ZNF823: variants seen among roughly 807,000 people sequenced by gnomAD.
The protein encoded by ZNF823 is ZFP 36 for a zinc finger protein.
Under a neutral mutation model 11.4 loss-of-function variants are expected in ZNF823, and 5 were observed. That is an observed-to-expected ratio of 0.44 (90% CI 0.23 to 0.92). ZNF823 has a LOEUF of 0.92. Among genes scored for constraint, ZNF823 ranks in the 40% least tolerant of loss-of-function variants. ZNF823 has a pLI of 0.24. For synonymous variants in ZNF823, 234 were observed against 250.5 expected, an observed-to-expected ratio of 0.93 and a Z score of 0.62; for missense variants, 582 against 738.5, an observed-to-expected ratio of 0.79 and a Z score of 2.46.
In ZNF823 at chr19:11,722,794, G is replaced by A. The variant is rs774018374; in HGVS notation, c.740C>T (p.Ala247Val). The change falls in exon 4 of 4, where the codon GCG becomes GTG. Residue 247 changes from alanine (A) to valine (V), a missense_variant. Around this residue, in one of 3 missense-constraint regions of ZNF823, gnomAD observed 429 missense variants for 553.7 expected, o/e 0.77. Transcript: ENST00000341191. This position sits in a 1 kb window ranked among gnomAD's most constrained non-coding sequence, Gnocchi z 5.2. Reference sequence around the variant, plus strand: ...TTTGGAACACTGCTTACATTCATACGCTTTCTCTCCCGTGTGGATTCTTTC... The same window carrying A: ...TTTGGAACACTGCTTACATTCATACACTTTCTCTCCCGTGTGGATTCTTTC... ...RHERIHTGEK[A>V]YECKQCSKAF... 5.6e-6 allele frequency: 9 copies of A among 1,613,956 alleles called. No individual in the cohort carries two copies. The highest frequency in any genetic ancestry group is 2.2e-5 in the South Asian group (2 of 91,086).
chr19:11,721,931 C>T lies in ZNF823; in HGVS notation c.1603G>A (p.Ala535Thr). The T allele has an allele frequency of 6.2e-7, 1 of 1,614,108 alleles. No individual in the cohort carries two copies. Among genetic ancestry groups the T allele is most frequent in the South Asian group, 1.1e-5 (1 of 91,074 alleles). The change falls in exon 4 of 4, where the codon GCA (alanine) becomes ACA (threonine). Residue 535 changes from alanine (A) to threonine (T), a missense_variant. Around this residue, in one of 3 missense-constraint regions of ZNF823, gnomAD observed 144 missense variants for 154.3 expected, o/e 0.93. Coordinates refer to ENST00000341191, the MANE Select transcript of ZNF823 (RefSeq NM_001080493.4). ...KPYECKECGK[A>T]FSWLTCLLRH... is the part of the protein sequence containing the mutation. ...AGAAGGCAAGTGAGCCAAGAGAATG[C>T]TTTTCCACATTCCTTACATTCATAT...
intron 1 of ZNF823, among the ~76,000 whole-genome samples, chr19:11,734,258 A>C (rs1432122258): frequency 6.6e-6 from 1 of 151,752 alleles, no homozygotes; most frequent in Non-Finnish European, 1.5e-5. Flanking sequence ...AAAAAAAGAA[A>C]GAAAGAAAAG....
intron 1 of ZNF823, chr19:11,725,914 G>A (rs1403567438): frequency 1.3e-5 from 2 of 152,432 alleles, no homozygotes; most frequent in Non-Finnish European, 2.9e-5. Flanking sequence ...GGGCAACATA[G>A]TGAGCCCTTT....
chr19:11,735,290 A>AG (rs1296224577), intron 1 of ZNF823, among the ~76,000 whole-genome samples: 1 of 151,628 alleles, frequency 6.6e-6, no homozygotes, highest in African/African-American at 2.4e-5. Flanking sequence ...ACAAAAAAAA[A>AG]AAAAAAAAAA....
chr19:11,728,684 C>A (rs760898983), intron 1 of ZNF823, among the ~76,000 whole-genome samples: 27 of 152,050 alleles, frequency 1.8e-4, no homozygotes, highest in Non-Finnish European at 3.1e-4. Context: ...CTAATAGAAG[C>A]AAGCAAATAG....
intron 1 of ZNF823, chr19:11,726,170 G>A (rs1386761024): frequency 1.3e-5 from 2 of 150,884 alleles, no homozygotes; most frequent in Non-Finnish European, 3.0e-5. Flanking sequence ...CCAAGCGCAG[G>A]AGGTTGGGGC....
rs543020521 is a variant in ZNF823 at position 11,723,644 on chromosome 19, C to T, written c.192-302G>A. Among the ~76,000 whole-genome samples the T allele has an allele frequency of 2.1e-4, 32 of 152,326 alleles. No homozygotes were observed. In the South Asian group the frequency reaches 5.8e-3, roughly 28 times the overall value. Reference sequence around the variant, plus strand: ...CACTGCAACCTCTGCCTCTCGGATTCAAGCAATTCTTCTGCCTCAGCCTCC... The same window carrying T: ...CACTGCAACCTCTGCCTCTCGGATTTAAGCAATTCTTCTGCCTCAGCCTCC... On this transcript the variant is annotated intron_variant, in intron 3 of 3. Coordinates refer to ENST00000341191, the MANE Select transcript of ZNF823 (RefSeq NM_001080493.4).
At chr19:11,731,067 C>G (rs554312349) in intron 1 of ZNF823, among the ~76,000 whole-genome samples, 6 of 150,702 alleles carry the variant, frequency 4.0e-5, no homozygotes, top group Admixed American at 4.0e-4. Flanking sequence ...AATCCCAGCA[C>G]TTTGGGAGGC....
At chr19:11,724,487 G>A (rs1974753707) in intron 2 of ZNF823, among the ~76,000 whole-genome samples, 1 of 150,726 alleles carries the variant, frequency 6.6e-6, no homozygotes, top group Non-Finnish European at 1.5e-5. Flanking sequence ...TCAGTGTGAA[G>A]ACAACAAGGG....
At chr19:11,735,142 G>A (rs955125980) in intron 1 of ZNF823, among the ~76,000 whole-genome samples, 10 of 151,870 alleles carry the variant, frequency 6.6e-5, no homozygotes, top group Non-Finnish European at 1.2e-4. Context: ...GGGCGTGGTG[G>A]TGGTCACCTG....
chr19:11,722,239 C>T lies in ZNF823; in HGVS notation c.1295G>A (p.Arg432Gln). 3 of 1,613,830 alleles carry T rather than the reference C, an allele frequency of 1.9e-6. No individual in the cohort carries two copies. The highest frequency in any genetic ancestry group is 1.3e-5 in the African/African-American group (1 of 74,932). The change falls in exon 4 of 4, where the codon CGA (arginine) becomes CAA (glutamine). Residue 432 changes from arginine to glutamine, a missense_variant. Arg to Gln is a conservative substitution (Grantham distance 43). Transcript: ENST00000341191. This position sits in a 1 kb window ranked among gnomAD's most constrained non-coding sequence, Gnocchi z 5.2. Reference protein sequence around the residue: ...GKAFSLAGSLRRHEATHTGVK... With the variant: ...GKAFSLAGSLQRHEATHTGVK... ...TCCAGTGTGAGTTGCTTCATGTCTT[C>T]GAAGGGAACCGGCAAGACTGAAGGC...
chr19:11,731,428 A>T (rs1043030572), intron 1 of ZNF823, among the ~76,000 whole-genome samples: 4 of 152,196 alleles, frequency 2.6e-5, no homozygotes, highest in Non-Finnish European at 5.9e-5. Flanking sequence ...TACATGATAA[A>T]CATATACTGA....
chr19:11,737,397 G>A (rs1975010765), intron 1 of ZNF823, among the ~76,000 whole-genome samples: 1 of 152,070 alleles, frequency 6.6e-6, no homozygotes, highest in African/African-American at 2.4e-5. Context: ...CCAAGTAGCT[G>A]GGATTACAGG....
intron 2 of ZNF823, among the ~76,000 whole-genome samples, chr19:11,724,555 CTTTTTTTTTT>C (rs751508496): frequency 2.4e-5 from 3 of 126,102 alleles, no homozygotes; most frequent in African/African-American, 3.1e-5. Flanking sequence ...AGTTTCTCAT[CTTTTTTTTTT>C]TTTTTTTTTT....
At chr19:11,725,625 G>T (rs888520385) in intron 1 of ZNF823, among the ~76,000 whole-genome samples, 6 of 152,288 alleles carry the variant, frequency 3.9e-5, no homozygotes, top group African/African-American at 1.2e-4. Flanking sequence ...GGTCTGTGTA[G>T]TTCTTATCAT....
chr19:11,731,567 C>T (rs76157047), intron 1 of ZNF823, among the ~76,000 whole-genome samples: 2 of 152,130 alleles, frequency 1.3e-5, no homozygotes, highest in African/African-American at 2.4e-5. Context: ...AATTCTTATA[C>T]CACCCAGAAT....
rs138643105 is a variant in ZNF823, at chr19:11,734,862, C to T, written c.3+3955G>A. The stretch of plus-strand genomic sequence containing the variant: ...CACAATCCCTCCTTTTTAACCTCTC[C>T]TAAGAACTGACTGAAGTCAAGGTGA... On this transcript the variant is annotated intron_variant, in intron 1 of 3. Transcript: ENST00000341191. 4.6e-3 allele frequency among the ~76,000 whole-genome samples: 704 copies of T among 152,226 alleles called. 5 individuals are homozygous for T. The highest frequency in any genetic ancestry group is 0.016 in the African/African-American group (670 of 41,550).
chr19:11,732,355 C>T (rs752243344), intron 1 of ZNF823, among the ~76,000 whole-genome samples: 37 of 152,072 alleles, frequency 2.4e-4, no homozygotes, highest in Non-Finnish European at 3.7e-4. Flanking sequence ...TTAGTAGAAA[C>T]GGGGTTTCAC....
chr19:11,731,816 C>T (rs1974900179), intron 1 of ZNF823, among the ~76,000 whole-genome samples: 1 of 152,016 alleles, frequency 6.6e-6, no homozygotes, highest in African/African-American at 2.4e-5. Context: ...TCGAGACCTG[C>T]CTGGCCAACA....
Sources: gnomAD v4.1 joint callset for allele counts (sites outside exome capture counted in the v4.1 genomes callset) on GRCh38, gnomAD v4.1.1 for gene constraint, gnomAD v4.1.1 regional missense constraint, Gnocchi (gnomAD v3.1) non-coding constraint, MANE v1.5 for transcripts, NCBI Gene and HGNC (gene_info 2026-07-23, HGNC 2026-07-21) for gene names.